SEMA3F: variants seen among roughly 807,000 people sequenced by gnomAD.
SEMA3F encodes the protein semaphorin-3F.
SEMA3F carries 30 observed loss-of-function variants against 98.5 expected under a neutral mutation model. That is an observed-to-expected ratio of 0.30 (90% CI 0.23 to 0.41). The LOEUF is 0.41. Ranked by LOEUF, SEMA3F falls within the 10% of genes least tolerant of loss-of-function variation. SEMA3F has a pLI of 1.00. For synonymous variants in SEMA3F, 380 were observed against 444.8 expected (o/e 0.85, Z 1.83); for missense variants, 866 against 1,119.3 (o/e 0.77, Z 3.23).
At chr3:50,177,730 T>TA (rs1214503829) in intron 7 of SEMA3F, among the ~76,000 whole-genome samples, 1 of 152,144 alleles carries the variant, frequency 6.6e-6, no homozygotes, top group African/African-American at 2.4e-5. Flanking sequence ...CAACTATTAT[T>TA]AAAAGTTAAG....
chr3:50,183,697 C>G, intron 12 of SEMA3F, 133 bp downstream of exon 12: 1 of 905,120 alleles, frequency 1.1e-6, no homozygotes, highest in Non-Finnish European at 1.7e-6. Context: ...AATGCACACA[C>G]AGACGGGCCT....
At position 50,175,178 on chromosome 3, in the gene SEMA3F, C is replaced by A; in HGVS notation, c.539C>A (p.Ala180Asp). 6.3e-7 allele frequency: 1 copy of A among 1,595,600 alleles called. No individual in the cohort carries two copies. Among genetic ancestry groups the A allele is most frequent in the Non-Finnish European group, 8.5e-7 (1 of 1,170,154 alleles). The change falls in exon 6 of 19, where the codon GCC becomes GAC. Residue 180 changes from alanine (A) to aspartate (D), a missense_variant. Coordinates refer to ENST00000002829, the MANE Select transcript of SEMA3F (RefSeq NM_004186.5). ...GGTGCCCTCCGCCCGATGCCCACAG[C>A]CCCACGCCAGGTGGGCCTCATCCCT... ...TDGALRPMPT[A>D]PRQDYIFYLE...
chr3:50,181,040 C>T (rs1698996087), intron 7 of SEMA3F, among the ~76,000 whole-genome samples: 1 of 149,572 alleles, frequency 6.7e-6, no homozygotes, highest in Non-Finnish European at 1.5e-5. Context: ...GCACTCTAGC[C>T]TGGGTGACAG....
intron 2 of SEMA3F, among the ~76,000 whole-genome samples, chr3:50,160,539 A>G (rs1698166129): frequency 6.6e-6 from 1 of 152,184 alleles, no homozygotes; most frequent in Non-Finnish European, 1.5e-5. Flanking sequence ...GTGTGGTCTG[A>G]AGAGTCTCCC....
At chr3:50,173,000 C>T (rs1339836418) in intron 2 of SEMA3F, among the ~76,000 whole-genome samples, 5 of 152,186 alleles carry the variant, frequency 3.3e-5, no homozygotes, top group Admixed American at 2.0e-4. Flanking sequence ...TACCCTGGCC[C>T]GCACCTACCG....
rs575445952 is a variant in SEMA3F, at chr3:50,176,353, G to T, written c.550-415G>T. On this transcript the variant is annotated intron_variant, in intron 6 of 18. Transcript: ENST00000002829. ...TAACCAGTCACTCCTGCCCTGGCCA[G>T]GTCTGCAGCGCTTTCTTGACCCAAG... Among the ~76,000 whole-genome samples, 10 of 152,312 alleles carry T rather than the reference G, an allele frequency of 6.6e-5. No homozygotes were observed. In the East Asian group the frequency reaches 1.9e-3, roughly 29 times the overall value.
chr3:50,173,410 T>C, intron 2 of SEMA3F: 2 of 205,090 alleles, frequency 9.8e-6, no homozygotes, highest in Non-Finnish European at 2.0e-5. Context: ...AGGCGAAGGT[T>C]GCAGTGAGCC....
chr3:50,183,938 C>T (rs1244860353), intron 12 of SEMA3F, among the ~76,000 whole-genome samples: 1 of 152,100 alleles, frequency 6.6e-6, no homozygotes, highest in Non-Finnish European at 1.5e-5. Flanking sequence ...CAGGCAGGGT[C>T]TCAGAGGTCA....
In SEMA3F at chr3:50,183,145, C is replaced by T. The variant is rs376049251; in HGVS notation, c.1019-41C>T. 6.8e-4 allele frequency: 1,084 copies of T among 1,599,282 alleles called. 8 individuals are homozygous for T. The highest frequency in any genetic ancestry group is 1.6e-4 in the Non-Finnish European group (185 of 1,167,180). On this transcript the variant is annotated intron_variant, in intron 10 of 18. Coordinates refer to ENST00000002829, the MANE Select transcript of SEMA3F (RefSeq NM_004186.5). ...GGAGTGGGTGGGGCCCAGGGGCTCC[C>T]GCCCATGGCACCCTCCAACACCTTC...
Position 50,182,190 on chromosome 3 carries a change from C to T in SEMA3F, c.644-94C>T, listed in dbSNP as rs1027904979. 6 of 1,505,966 alleles carry T rather than the reference C, an allele frequency of 4.0e-6. No homozygotes were observed. Among genetic ancestry groups the T allele is most frequent in the East Asian group, 2.3e-5 (1 of 44,046 alleles). The allele number at this position is 1,505,966 out of a possible 1,614,324, so 93.3% of individuals were successfully genotyped here. On this transcript the variant is annotated intron_variant, in intron 7 of 18. Coordinates refer to ENST00000002829, the MANE Select transcript of SEMA3F (RefSeq NM_004186.5). This position sits in a 1 kb window ranked among gnomAD's most constrained non-coding sequence, Gnocchi z 4.5. ...AGGATCATGCCCCAGGGAGCCTGAGCGGGGAGATAAGGCCCTGCCCTGGAA... is the reference window on the plus strand; with the variant it reads ...AGGATCATGCCCCAGGGAGCCTGAGTGGGGAGATAAGGCCCTGCCCTGGAA...
rs1440947956 is a variant in SEMA3F, at chr3:50,186,056, C to T, written c.1745+10C>T. The T allele has an allele frequency of 1.9e-6, 3 of 1,593,316 alleles. No homozygotes were observed. The highest frequency in any genetic ancestry group is 1.1e-5 in the South Asian group (1 of 90,086). Reference sequence around the variant, plus strand: ...CAGCATCCTCCAAGAGGTGTGGACCCCTAGACACCTAGAATTTTAGCAACC... The same window carrying T: ...CAGCATCCTCCAAGAGGTGTGGACCTCTAGACACCTAGAATTTTAGCAACC... On this transcript the variant is annotated intron_variant, in intron 16 of 18. Coordinates refer to ENST00000002829, the MANE Select transcript of SEMA3F (RefSeq NM_004186.5).
At chr3:50,167,044 G>A (rs569591129) in intron 2 of SEMA3F, among the ~76,000 whole-genome samples, 1 of 152,122 alleles carries the variant, frequency 6.6e-6, no homozygotes, top group Admixed American at 6.5e-5. Context: ...ATACTTCTTG[G>A]GGCACATTCC....
chr3:50,183,099 G>A (rs1699076995), intron 10 of SEMA3F, 81 bp downstream of exon 10: 2 of 1,560,466 alleles, frequency 1.3e-6, no homozygotes, highest in Non-Finnish European at 1.8e-6. Flanking sequence ...GGTGCCTTTG[G>A]TGGGCCCCCT....
rs1697964419 is a variant in SEMA3F, at chr3:50,155,960, G to C, written c.-49+396G>C. The C allele has an allele frequency of 1.3e-5, 2 of 152,152 alleles. No individual in the cohort carries two copies. The highest frequency in any genetic ancestry group is 6.6e-5 in the Admixed American group (1 of 15,186). 9.4% of individuals were successfully genotyped at this position (152,152 alleles called of 1,614,324 possible). On this transcript the variant is annotated intron_variant, in intron 1 of 18. Transcript: ENST00000002829. This position sits in a 1 kb window ranked among gnomAD's most constrained non-coding sequence, Gnocchi z 4.9. ...AGGCAGCGCTCTTCCCCGTAGATGC[G>C]CTTGCCCTACCTCAGTGTCTCTACT...
At chr3:50,161,435 G>A (rs1231006156) in intron 2 of SEMA3F, among the ~76,000 whole-genome samples, 1 of 152,344 alleles carries the variant, frequency 6.6e-6, no homozygotes, top group Non-Finnish European at 1.5e-5. Context: ...CGCCCACATC[G>A]CGTCAGGTCG....
chr3:50,173,559 T>C, intron 2 of SEMA3F: 1 of 537,880 alleles, frequency 1.9e-6, no homozygotes, highest in South Asian at 2.3e-5. Flanking sequence ...GGAGAATCGC[T>C]TGAACCCAGC....
chr3:50,173,668 A>G (rs1270636843), intron 2 of SEMA3F, 125 bp from the exon 3 acceptor site: 2 of 737,300 alleles, frequency 2.7e-6, no homozygotes, highest in Non-Finnish European at 4.5e-6. Context: ...AAAGAAAGAA[A>G]AAAGACCACT....
chr3:50,158,078 G>A lies in SEMA3F; in HGVS notation c.-48-1497G>A, dbSNP rs1698064335. ...TGCATATCCACAGCTGTTATCAGGG[G>A]CCTCCCAGGTGCACCTTGAGGGTGA... On this transcript the variant is annotated intron_variant, in intron 1 of 18. Coordinates refer to ENST00000002829, the MANE Select transcript of SEMA3F (RefSeq NM_004186.5). The surrounding 1 kb of genome is among the most constrained non-coding windows in gnomAD (Gnocchi z 4.8). 6.6e-6 allele frequency among the ~76,000 whole-genome samples: 1 copy of A among 152,216 alleles called. No individual in the cohort carries two copies. Among genetic ancestry groups the A allele is most frequent in the African/African-American group, 2.4e-5 (1 of 41,446 alleles).
chr3:50,178,882 A>G (rs1400605843), intron 7 of SEMA3F, among the ~76,000 whole-genome samples: 2 of 113,762 alleles, frequency 1.8e-5, no homozygotes, highest in Admixed American at 1.2e-4. Context: ...CCCAGGCTGG[A>G]GTGCAGTGGT....
Sources: gnomAD v4.1 joint callset for allele counts (sites outside exome capture counted in the v4.1 genomes callset) on GRCh38, gnomAD v4.1.1 for gene constraint, Gnocchi (gnomAD v3.1) non-coding constraint, MANE v1.5 for transcripts, NCBI Gene and HGNC (gene_info 2026-07-23, HGNC 2026-07-21) for gene names.